Variants in SHISA9 observed in about 807,000 individuals in gnomAD.
The protein encoded by SHISA9 is protein shisa-9.
Under a neutral mutation model 38.0 loss-of-function variants are expected in SHISA9, and 13 were observed. The ratio of observed to expected loss-of-function variants is 0.34; its 90% CI spans 0.22 to 0.54. SHISA9 has a LOEUF of 0.54. Among genes scored for constraint, SHISA9 ranks in the 20% least tolerant of loss-of-function variants. The pLI is 0.91. For synonymous variants in SHISA9, 275 were observed against 242.0 expected, an observed-to-expected ratio of 1.14 and a Z score of -1.27; for missense variants, 538 against 575.8, an observed-to-expected ratio of 0.93 and a Z score of 0.67.
At chr16:13,498,534 A>G in the SHISA9 span, among the ~76,000 whole-genome samples, 10 of 152,234 alleles carry the variant, frequency 6.6e-5, no homozygotes, top group African/African-American at 2.4e-4. Context: ...AAGTGGGAGG[A>G]TCAGCTGAGG....
chr16:13,286,042 A>G, the SHISA9 span, among the ~76,000 whole-genome samples: 1 of 152,204 alleles, frequency 6.6e-6, no homozygotes, highest in Non-Finnish European at 1.5e-5. Flanking sequence ...GGATAAATGC[A>G]TATTTGATTG....
the SHISA9 span, among the ~76,000 whole-genome samples, chr16:13,301,809 G>T: frequency 6.6e-6 from 1 of 152,080 alleles, no homozygotes; most frequent in African/African-American, 2.4e-5. Flanking sequence ...CCAAGATTTG[G>T]GCTCAAATCC....
the SHISA9 span, among the ~76,000 whole-genome samples, chr16:13,333,935 A>G: frequency 2.0e-5 from 3 of 152,196 alleles, no homozygotes; most frequent in Admixed American, 6.5e-5. Flanking sequence ...ATCTAGCTCC[A>G]GACTGTCTCT....
chr16:13,446,742 C>T, the SHISA9 span, among the ~76,000 whole-genome samples: 6 of 151,884 alleles, frequency 4.0e-5, no homozygotes, highest in African/African-American at 1.4e-4. Context: ...TTTGGGAGGC[C>T]GAGGCGGGTG....
At chr16:13,367,203 A>G in the SHISA9 span, among the ~76,000 whole-genome samples, 1 of 151,098 alleles carries the variant, frequency 6.6e-6, no homozygotes. Flanking sequence ...ATTGTCAACA[A>G]CCATTCAAGG....
In SHISA9 at chr16:13,029,358, C is replaced by T. The variant is rs539333398; in HGVS notation, c.691+112543C>T. On this transcript the variant is annotated intron_variant, in intron 2 of 4. Coordinates refer to ENST00000558583, the MANE Select transcript of SHISA9 (RefSeq NM_001145204.3). ...CGGTGGCTTACGCCTGTAATCCCAG[C>T]ATTTTGGGAGGCCAAGGCAGATGGA... Among the ~76,000 whole-genome samples, 11 of 147,786 alleles carry T rather than the reference C, an allele frequency of 7.4e-5. No homozygotes were observed. The South Asian group carries it at 2.3e-3, about 31-fold the overall frequency.
chr16:12,934,896 A>C (rs902113903), intron 2 of SHISA9, among the ~76,000 whole-genome samples: 1 of 152,204 alleles, frequency 6.6e-6, no homozygotes, highest in African/African-American at 2.4e-5. Context: ...TTTGAAGAAT[A>C]TGGGTTGGCT....
chr16:13,494,720 A>G, the SHISA9 span, among the ~76,000 whole-genome samples: 1 of 152,210 alleles, frequency 6.6e-6, no homozygotes, highest in Non-Finnish European at 1.5e-5. Context: ...GAAACTAAAT[A>G]ATGACGTAGA....
chr16:13,445,676 T>C, the SHISA9 span, among the ~76,000 whole-genome samples: 1 of 152,222 alleles, frequency 6.6e-6, no homozygotes, highest in Non-Finnish European at 1.5e-5. Flanking sequence ...TTGAAACTTT[T>C]GGTTTTAATT....
At chr16:13,208,503 G>T (rs1380408496) in intron 3 of SHISA9, among the ~76,000 whole-genome samples, 1 of 142,882 alleles carries the variant, frequency 7.0e-6, no homozygotes, top group Non-Finnish European at 1.5e-5. Context: ...GTGCCATGGC[G>T]CAATCTCGGC....
chr16:13,277,915 C>G, the SHISA9 span, among the ~76,000 whole-genome samples: 1 of 151,784 alleles, frequency 6.6e-6, no homozygotes, highest in African/African-American at 2.4e-5. Flanking sequence ...TTTTCTTTCC[C>G]TTGTCTTAAT....
downstream of SHISA9, among the ~76,000 whole-genome samples, chr16:13,241,769 G>A (rs1445501454): frequency 6.6e-6 from 1 of 152,136 alleles, no homozygotes; most frequent in Non-Finnish European, 1.5e-5. Context: ...CCTTTCATTG[G>A]CCACAGGGTC....
the SHISA9 span, among the ~76,000 whole-genome samples, chr16:13,378,244 T>C: frequency 6.6e-6 from 1 of 152,220 alleles, no homozygotes; most frequent in East Asian, 1.9e-4. Context: ...CTACCTCAGG[T>C]ATGACTTGTT....
chr16:13,485,833 C>T, the SHISA9 span, among the ~76,000 whole-genome samples: 571 of 152,324 alleles, frequency 3.7e-3, 3 homozygotes, highest in African/African-American at 0.013. Flanking sequence ...GCATTCTACT[C>T]TCTATCTCTA....
At chr16:12,947,794 G>A (rs1256513096) in intron 2 of SHISA9, among the ~76,000 whole-genome samples, 1 of 152,214 alleles carries the variant, frequency 6.6e-6, no homozygotes, top group East Asian at 1.9e-4. Flanking sequence ...TGGAGGCCTG[G>A]TTCCTCTGAG....
At chr16:13,081,617 A>T (rs1331274748) in intron 2 of SHISA9, among the ~76,000 whole-genome samples, 1 of 151,780 alleles carries the variant, frequency 6.6e-6, no homozygotes, top group Non-Finnish European at 1.5e-5. Flanking sequence ...TATGGTGTAT[A>T]TCACCAGATA....
At chr16:13,037,384 A>G (rs2073087406) in intron 2 of SHISA9, among the ~76,000 whole-genome samples, 1 of 151,800 alleles carries the variant, frequency 6.6e-6, no homozygotes, top group Admixed American at 6.6e-5. Context: ...CGGTTCTCAT[A>G]CTATAGAAAC....
intron 2 of SHISA9, among the ~76,000 whole-genome samples, chr16:13,048,161 C>T (rs577676831): frequency 5.9e-5 from 9 of 152,262 alleles, no homozygotes; most frequent in Admixed American, 2.6e-4. Context: ...ATTTGCACAG[C>T]GTATAACTCA....
At chr16:13,261,033 C>A in the SHISA9 span, among the ~76,000 whole-genome samples, 1 of 152,104 alleles carries the variant, frequency 6.6e-6, no homozygotes, top group African/African-American at 2.4e-5. Context: ...TATTCACTAT[C>A]ACAAGAATAG....
Sources: gnomAD v4.1 joint callset for allele counts (sites outside exome capture counted in the v4.1 genomes callset) on GRCh38, gnomAD v4.1.1 for gene constraint, MANE v1.5 for transcripts, NCBI Gene and HGNC (gene_info 2026-07-23, HGNC 2026-07-21) for gene names.